Variants in DGKH observed in about 807,000 individuals in gnomAD.
DGKH encodes the protein diacylglycerol kinase eta, also known as DAG kinase eta.
In DGKH, 90 loss-of-function variants were observed where a neutral mutation model predicts 159.3. That is an observed-to-expected ratio of 0.57 (90% CI 0.48 to 0.67). DGKH has a LOEUF of 0.67. Ranked by LOEUF, DGKH falls within the 30% of genes least tolerant of loss-of-function variation. The probability of loss-of-function intolerance (pLI) is 0.00; values close to 1 mark genes in which losing one functional copy is unlikely to be tolerated. For missense variants in DGKH, 1,181 were observed against 1,506.1 expected, an observed-to-expected ratio of 0.78 and a Z score of 3.57; for synonymous variants, 536 against 553.8, an observed-to-expected ratio of 0.97 and a Z score of 0.45.
intron 1 of DGKH, among the ~76,000 whole-genome samples, chr13:42,040,406 C>T (rs1303194565): frequency 6.6e-6 from 1 of 151,876 alleles, no homozygotes; most frequent in African/African-American, 2.4e-5. Flanking sequence ...CCGCCCGGTG[C>T]CCGTGACCAC....
intron 20 of DGKH, among the ~76,000 whole-genome samples, chr13:42,200,236 C>T (rs1468164794): frequency 6.6e-6 from 1 of 152,112 alleles, no homozygotes; most frequent in Non-Finnish European, 1.5e-5. Context: ...TGACCCAATT[C>T]TGTAATAACA....
chr13:42,156,477 G>A (rs1956049868), intron 5 of DGKH, among the ~76,000 whole-genome samples: 1 of 152,002 alleles, frequency 6.6e-6, no homozygotes, highest in South Asian at 2.1e-4. Context: ...CTGGGCTCAA[G>A]CAATCCTCCC....
chr13:42,132,393 T>G (rs1448695372), intron 3 of DGKH, among the ~76,000 whole-genome samples: 1 of 152,202 alleles, frequency 6.6e-6, no homozygotes, highest in East Asian at 1.9e-4. Flanking sequence ...TAGCTAGAAT[T>G]TTGTATCCTT....
intron 11 of DGKH, 40 bp downstream of exon 11, chr13:42,168,858 C>T: frequency 1.3e-6 from 2 of 1,564,778 alleles, no homozygotes; most frequent in Non-Finnish European, 1.7e-6. Context: ...TGGAAAATGG[C>T]ATACTGAAAT....
Position 42,056,118 on chromosome 13 carries a change from T to C in DGKH, c.192+7153T>C, listed in dbSNP as rs1881738188. ...TAAAACAAAAGAAATAAAGAAACAT[T>C]TGTATTTTTGAGTTGGTTAAATGAT... On this transcript the variant is annotated intron_variant, in intron 1 of 29. Coordinates refer to ENST00000337343, the MANE Select transcript of DGKH (RefSeq NM_178009.5). Among the ~76,000 whole-genome samples, 4 of 152,272 alleles carry C rather than the reference T, an allele frequency of 2.6e-5. No homozygotes were observed. The South Asian group carries it at 8.3e-4, about 32-fold the overall frequency.
intron 1 of DGKH, among the ~76,000 whole-genome samples, chr13:42,118,802 A>C (rs558126822): frequency 3.0e-4 from 46 of 152,354 alleles, no homozygotes; most frequent in African/African-American, 9.9e-4. Context: ...TTTATGTAGC[A>C]GGCAGAAGAG....
At chr13:42,122,583 A>G (rs1275525725) in intron 1 of DGKH, among the ~76,000 whole-genome samples, 1 of 152,236 alleles carries the variant, frequency 6.6e-6, no homozygotes, top group Non-Finnish European at 1.5e-5. Context: ...CAGAGCACTC[A>G]TGACCCCATA....
intron 26 of DGKH, 61 bp downstream of exon 26, chr13:42,215,728 C>A (rs777206867): frequency 4.2e-5 from 60 of 1,413,130 alleles, no homozygotes; most frequent in Middle Eastern, 3.6e-4. Flanking sequence ...GTCTTACCTT[C>A]ATTGGGGAAC....
At chr13:42,199,779 T>C in intron 19 of DGKH, 34 bp from the exon 20 acceptor site, 1 of 1,584,280 alleles carries the variant, frequency 6.3e-7, no homozygotes, top group Non-Finnish European at 8.6e-7. Context: ...ATAAATAAAA[T>C]TTCCTGAAAT....
rs147249194 is a variant in DGKH, at chr13:42,172,286, A to G, written c.1368-1774A>G. On this transcript the variant is annotated intron_variant, in intron 11 of 29. Transcript: ENST00000337343. Reference sequence around the variant, plus strand: ...GCCACCACACCCAGCTGATTTTTGTATTTTTAGTAGAGATGGGGTTTCACC... The same window carrying G: ...GCCACCACACCCAGCTGATTTTTGTGTTTTTAGTAGAGATGGGGTTTCACC... 3.6e-3 allele frequency among the ~76,000 whole-genome samples: 537 copies of G among 150,718 alleles called. 8 individuals carry two copies. In the East Asian group the frequency reaches 0.047, roughly 13 times the overall value.
downstream of DGKH, among the ~76,000 whole-genome samples, chr13:42,247,577 G>GA (rs1383822540): frequency 6.6e-6 from 1 of 151,892 alleles, no homozygotes; most frequent in East Asian, 1.9e-4. Context: ...CTTATTGAAA[G>GA]AAAAAAAAGT....
At chr13:42,250,040 G>A (rs183207297) in intron 29 of DGKH, among the ~76,000 whole-genome samples, 137 of 151,290 alleles carry the variant, frequency 9.1e-4, no homozygotes, top group Admixed American at 2.0e-3. Context: ...GCGCGATCTG[G>A]GCTCACTGCA....
chr13:42,250,726 C>T (rs17646219), intron 29 of DGKH, among the ~76,000 whole-genome samples: 15,867 of 152,138 alleles, frequency 0.1, 885 homozygotes, highest in South Asian at 0.16. Flanking sequence ...AAGCCAGTGC[C>T]CATTAAAGTG....
intron 28 of DGKH, 141 bp from the exon 29 acceptor site, chr13:42,221,123 T>C: frequency 9.0e-7 from 1 of 1,108,906 alleles, no homozygotes; most frequent in Non-Finnish European, 1.3e-6. Flanking sequence ...GGAACTATGG[T>C]TTTGTTGAAA....
intron 3 of DGKH, among the ~76,000 whole-genome samples, chr13:42,148,225 A>G (rs1482172652): frequency 6.6e-6 from 1 of 151,964 alleles, no homozygotes; most frequent in Non-Finnish European, 1.5e-5. Context: ...ACTGCTTGCC[A>G]CTCTTTGAAT....
chr13:42,102,715 G>C (rs1954674907), intron 1 of DGKH, among the ~76,000 whole-genome samples: 1 of 152,228 alleles, frequency 6.6e-6, no homozygotes, highest in Non-Finnish European at 1.5e-5. Context: ...TTGGGGCCTG[G>C]ACGTTTTCCC....
At position 42,189,030 on chromosome 13, in the gene DGKH, T is replaced by C. The variant is rs1490465721; in HGVS notation, c.1639-6T>C. The C allele has an allele frequency of 6.2e-7, 1 of 1,606,626 alleles. No individual in the cohort carries two copies. The stretch of plus-strand genomic sequence containing the variant: ...TATTTTTCTCATTGCCATATTTTCC[T>C]CTCAGTGTTCAGTCCTAAACGAGAA... On this transcript the variant is annotated splice_polypyrimidine_tract_variant and splice_region_variant and intron_variant, in intron 14 of 29. Coordinates refer to ENST00000337343, the MANE Select transcript of DGKH (RefSeq NM_178009.5).
At chr13:42,255,334 C>T (rs945721821) in intron 30 of DGKH, among the ~76,000 whole-genome samples, 2 of 151,698 alleles carry the variant, frequency 1.3e-5, no homozygotes, top group Non-Finnish European at 2.9e-5. Context: ...AATGGGGAGA[C>T]TTTCAGTTCT....
chr13:42,116,863 A>G (rs191314533), intron 1 of DGKH, among the ~76,000 whole-genome samples: 49 of 152,394 alleles, frequency 3.2e-4, no homozygotes, highest in Middle Eastern at 3.4e-3. Context: ...AAACAGTTAC[A>G]GAAAGCCAGC....
Sources: gnomAD v4.1 joint callset for allele counts (sites outside exome capture counted in the v4.1 genomes callset) on GRCh38, gnomAD v4.1.1 for gene constraint, MANE v1.5 for transcripts, NCBI Gene and HGNC (gene_info 2026-07-23, HGNC 2026-07-21) for gene names.